Variants in ABHD18 observed in about 807,000 individuals in gnomAD.
The protein encoded by ABHD18 is cardiolipin-specific deacylase, mitochondrial.
Under a neutral mutation model 65.9 loss-of-function variants are expected in ABHD18, and 55 were observed. The ratio of observed to expected loss-of-function variants is 0.84; its 90% CI spans 0.67 to 1.05. The LOEUF is 1.05. ABHD18 is among the 50% of genes least tolerant of loss of function. ABHD18 has a pLI of 0.00. For missense variants in ABHD18, 533 were observed against 558.5 expected, an observed-to-expected ratio of 0.95 and a Z score of 0.46; for synonymous variants, 181 against 180.2, an observed-to-expected ratio of 1.00 and a Z score of -0.04.
chr4:127,966,128 T>C (rs1745281052), intron 1 of ABHD18: 1 of 152,234 alleles, frequency 6.6e-6, no homozygotes, highest in African/African-American at 2.4e-5. Context: ...AAACATGTCA[T>C]GGGTTTTCAC....
At position 128,021,235 on chromosome 4, in the gene ABHD18, T is replaced by C. The variant is rs768469604; in HGVS notation, c.798T>C (p.Cys266=). The C allele has an allele frequency of 2.0e-6, 3 of 1,503,834 alleles. No homozygotes were observed. The highest frequency in any genetic ancestry group is 2.7e-6 in the Non-Finnish European group (3 of 1,105,930). 93.2% of individuals were successfully genotyped at this position (1,503,834 alleles called of 1,614,324 possible). The part of the protein sequence containing the change: ...EEEIIHMLEY[C]GTDSFKMGQE... ...AAATTATTCACATGCTTGAATACTGTGGAGTAAGTATTTCACTTTCCACCC... is the reference window on the plus strand; with the variant it reads ...AAATTATTCACATGCTTGAATACTGCGGAGTAAGTATTTCACTTTCCACCC... The change falls in exon 10 of 13, where the codon TGT becomes TGC. Residue 266 remains cysteine (C), a synonymous_variant. Transcript: ENST00000645843.
In ABHD18 at chr4:128,001,691, T is replaced by G. The variant is rs928603258; in HGVS notation, c.279-7229T>G. 5 of 1,540,322 alleles carry G rather than the reference T, an allele frequency of 3.2e-6. No individual in the cohort carries two copies. The African/African-American group carries it at 6.9e-5, about 21-fold the overall frequency. On this transcript the variant is annotated intron_variant, in intron 4 of 12. Transcript: ENST00000645843. ...ACTTCCTTCAGAATTTAGAAGGTTT[T>G]GGTGTGTTCTTTTCTGTCTTCCAGG...
At chr4:128,006,943 C>T (rs1359726476) in intron 4 of ABHD18, among the ~76,000 whole-genome samples, 1 of 152,086 alleles carries the variant, frequency 6.6e-6, no homozygotes, top group African/African-American at 2.4e-5. Flanking sequence ...ATTAGTTGTT[C>T]AAGACCAGCC....
intron 11 of ABHD18, 37 bp downstream of exon 11, chr4:128,028,890 ATGTG>A: frequency 7.0e-7 from 1 of 1,423,286 alleles, no homozygotes; most frequent in Non-Finnish European, 9.4e-7. Context: ...ATATTTGCTG[ATGTG>A]TAAGTATTTG....
intron 4 of ABHD18, among the ~76,000 whole-genome samples, chr4:127,994,596 C>CA (rs538739196): frequency 2.7e-4 from 41 of 151,512 alleles, no homozygotes; most frequent in Admixed American, 4.6e-4. Flanking sequence ...TCAAAACAAA[C>CA]AAAAAAAACA....
At chr4:128,006,938 T>C (rs894276502) in intron 4 of ABHD18, among the ~76,000 whole-genome samples, 14 of 152,054 alleles carry the variant, frequency 9.2e-5, no homozygotes, top group Admixed American at 9.2e-4. Context: ...AAGAAATTAG[T>C]TGTTCAAGAC....
intron 6 of ABHD18, chr4:128,009,544 T>A (rs1424352608): frequency 6.2e-6 from 1 of 160,054 alleles, no homozygotes; most frequent in Admixed American, 6.5e-5. Flanking sequence ...TAACTTAATT[T>A]TCAAGATGAC....
intron 4 of ABHD18, among the ~76,000 whole-genome samples, chr4:128,000,518 T>C (rs528326608): frequency 6.6e-6 from 1 of 152,340 alleles, no homozygotes; most frequent in East Asian, 1.9e-4. Flanking sequence ...AGTACCGTGC[T>C]GTTTTGGTTA....
At chr4:127,974,608 A>G (rs958734085) in intron 1 of ABHD18, among the ~76,000 whole-genome samples, 4 of 151,908 alleles carry the variant, frequency 2.6e-5, no homozygotes, top group Non-Finnish European at 2.9e-5. Context: ...CCTGGGCTCA[A>G]GCTATCCACC....
chr4:128,033,445 C>A (rs1758485902), intron 12 of ABHD18, among the ~76,000 whole-genome samples: 1 of 150,682 alleles, frequency 6.6e-6, no homozygotes, highest in Admixed American at 6.7e-5. Flanking sequence ...CAAAGAAAGA[C>A]AAGCATGTTG....
chr4:128,015,733 T>C (rs1055844317), intron 7 of ABHD18, among the ~76,000 whole-genome samples: 17 of 152,100 alleles, frequency 1.1e-4, no homozygotes, highest in African/African-American at 4.1e-4. Context: ...ACCTGGTTCT[T>C]TGCACATATT....
chr4:127,984,792 G>A (rs775646350), intron 3 of ABHD18, among the ~76,000 whole-genome samples: 14 of 152,264 alleles, frequency 9.2e-5, no homozygotes, highest in South Asian at 8.3e-4. Context: ...CCCCGGAGGC[G>A]GAGGTTGCAG....
chr4:127,996,165 A>G (rs906422008), intron 4 of ABHD18, among the ~76,000 whole-genome samples: 6 of 152,268 alleles, frequency 3.9e-5, no homozygotes, highest in Non-Finnish European at 2.9e-5. Context: ...AAAATCTTTT[A>G]TAAAACTAAT....
At chr4:127,995,727 C>G (rs1447559226) in intron 4 of ABHD18, among the ~76,000 whole-genome samples, 1 of 151,962 alleles carries the variant, frequency 6.6e-6, no homozygotes, top group Non-Finnish European at 1.5e-5. Flanking sequence ...GAAAATAATA[C>G]TTTAATATTA....
intron 1 of ABHD18, among the ~76,000 whole-genome samples, chr4:127,966,451 G>A (rs1745402472): frequency 1.3e-5 from 2 of 151,892 alleles, no homozygotes; most frequent in Admixed American, 6.6e-5. Context: ...CCCTATGCTA[G>A]GTCCTATACT....
At chr4:127,995,413 G>T (rs968424394) in intron 4 of ABHD18, among the ~76,000 whole-genome samples, 2 of 152,040 alleles carry the variant, frequency 1.3e-5, no homozygotes, top group Non-Finnish European at 2.9e-5. Flanking sequence ...GATAATTCCT[G>T]TTCTGATTTC....
At chr4:127,999,231 C>G (rs909275913) in intron 4 of ABHD18, among the ~76,000 whole-genome samples, 18 of 151,970 alleles carry the variant, frequency 1.2e-4, no homozygotes, top group African/African-American at 4.4e-4. Context: ...TTGCAGTGAG[C>G]AGAGATCGTG....
At chr4:128,017,327 A>G in intron 7 of ABHD18, 36 bp from the exon 8 acceptor site, 1 of 1,600,586 alleles carries the variant, frequency 6.2e-7, no homozygotes, top group Admixed American at 1.7e-5. Context: ...GTAAATACAT[A>G]AAATAATCAT....
At chr4:128,002,044 G>T (rs1313045573) in intron 4 of ABHD18, among the ~76,000 whole-genome samples, 1 of 152,026 alleles carries the variant, frequency 6.6e-6, no homozygotes, top group Non-Finnish European at 1.5e-5. Flanking sequence ...GGAGGACGAC[G>T]CAGGTGGATT....
Sources: gnomAD v4.1 joint callset for allele counts (sites outside exome capture counted in the v4.1 genomes callset) on GRCh38, gnomAD v4.1.1 for gene constraint, MANE v1.5 for transcripts, NCBI Gene and HGNC (gene_info 2026-07-23, HGNC 2026-07-21) for gene names.